LRMDA: variants seen among roughly 807,000 people sequenced by gnomAD.
LRMDA encodes leucine-rich melanocyte differentiation-associated protein.
Under a neutral mutation model 29.8 loss-of-function variants are expected in LRMDA, and 18 were observed. The observed-to-expected ratio is 0.60, with a 90% CI of 0.42 to 0.90. LRMDA has a LOEUF of 0.90. Ranked by LOEUF, LRMDA falls within the 40% of genes least tolerant of loss-of-function variation. LRMDA has a pLI of 0.00. For synonymous variants in LRMDA, 125 were observed against 109.4 expected, an observed-to-expected ratio of 1.14 and a Z score of -0.89; for missense variants, 273 against 273.9, an observed-to-expected ratio of 1.00 and a Z score of 0.02.
At chr10:76,553,489 C>A (rs1843519628) in intron 6 of LRMDA, among the ~76,000 whole-genome samples, 1 of 152,152 alleles carries the variant, frequency 6.6e-6, no homozygotes, top group African/African-American at 2.4e-5. Context: ...CAGTTGATGG[C>A]AGTTGCCATG....
intron 2 of LRMDA, among the ~76,000 whole-genome samples, chr10:75,761,049 T>C (rs978835826): frequency 1.3e-5 from 2 of 152,238 alleles, no homozygotes; most frequent in Non-Finnish European, 2.9e-5. Context: ...CAAAGATACT[T>C]AAGAATTAAG....
At chr10:75,853,057 T>A (rs967393577) in intron 2 of LRMDA, among the ~76,000 whole-genome samples, 4 of 152,060 alleles carry the variant, frequency 2.6e-5, no homozygotes, top group Non-Finnish European at 5.9e-5. Context: ...TTAGTCACTG[T>A]CATGAAAATA....
intron 5 of LRMDA, among the ~76,000 whole-genome samples, chr10:76,087,633 G>A (rs1413764309): frequency 6.6e-6 from 1 of 152,098 alleles, no homozygotes; most frequent in African/African-American, 2.4e-5. Context: ...GATGCCAGAG[G>A]TACTGTGTTC....
intron 2 of LRMDA, among the ~76,000 whole-genome samples, chr10:75,988,292 C>T (rs1847296965): frequency 6.6e-6 from 1 of 152,150 alleles, no homozygotes; most frequent in Admixed American, 6.5e-5. Flanking sequence ...AGTCAGTTTT[C>T]TCTTTCCTAT....
rs1841159389 is a variant in LRMDA, at chr10:75,619,924, G to C, written c.131+181430G>C. ...TCAAGGGCCTAGCACAGTGCATTCA[G>C]TCATTTTATGATGCTCAATTTCTTA... On this transcript the variant is annotated intron_variant, in intron 2 of 6. Coordinates refer to ENST00000611255, the MANE Select transcript of LRMDA (RefSeq NM_001305581.2). Among the ~76,000 whole-genome samples the C allele has an allele frequency of 1.3e-5, 2 of 152,212 alleles. 1 individual carries two copies. Among genetic ancestry groups the C allele is most frequent in the South Asian group, 4.1e-4 (2 of 4,830 alleles).
At chr10:75,817,412 C>T (rs185381631) in intron 2 of LRMDA, among the ~76,000 whole-genome samples, 2 of 152,324 alleles carry the variant, frequency 1.3e-5, no homozygotes, top group African/African-American at 4.8e-5. Flanking sequence ...TCTCCTCTTC[C>T]AGCAGATTAG....
At chr10:75,873,047 T>C (rs1845140022) in intron 2 of LRMDA, among the ~76,000 whole-genome samples, 1 of 152,258 alleles carries the variant, frequency 6.6e-6, no homozygotes, top group South Asian at 2.1e-4. Context: ...GCACATCACC[T>C]TAACTGGTGC....
At chr10:75,864,468 T>C (rs1844987082) in intron 2 of LRMDA, among the ~76,000 whole-genome samples, 1 of 152,162 alleles carries the variant, frequency 6.6e-6, no homozygotes, top group Non-Finnish European at 1.5e-5. Flanking sequence ...CAAGGAGTTT[T>C]ACCCTTTCAT....
intron 2 of LRMDA, among the ~76,000 whole-genome samples, chr10:75,664,485 G>A (rs191171271): frequency 2.0e-4 from 31 of 152,300 alleles, no homozygotes; most frequent in Admixed American, 2.0e-3. Flanking sequence ...AGAGCACACA[G>A]TGATCCTGAG....
chr10:76,258,570 C>T (rs981042226), intron 5 of LRMDA, among the ~76,000 whole-genome samples: 1 of 152,040 alleles, frequency 6.6e-6, no homozygotes, highest in Non-Finnish European at 1.5e-5. Context: ...TCTTATCTGG[C>T]TGTAATTTTT....
At chr10:75,618,044 G>A (rs946715197) in intron 2 of LRMDA, among the ~76,000 whole-genome samples, 1 of 152,148 alleles carries the variant, frequency 6.6e-6, no homozygotes, top group South Asian at 2.1e-4. Context: ...TCAACACACT[G>A]TACTCATCTA....
intron 2 of LRMDA, among the ~76,000 whole-genome samples, chr10:75,847,091 C>A (rs967994576): frequency 2.0e-5 from 3 of 152,108 alleles, no homozygotes; most frequent in African/African-American, 7.2e-5. Flanking sequence ...CCTCATACTT[C>A]CTAGTTTCGA....
intron 2 of LRMDA, among the ~76,000 whole-genome samples, chr10:75,628,859 T>C (rs1841284601): frequency 6.6e-6 from 1 of 152,222 alleles, no homozygotes; most frequent in Admixed American, 6.5e-5. Flanking sequence ...AGGTGCAGGC[T>C]GGGGCACTTG....
intron 2 of LRMDA, among the ~76,000 whole-genome samples, chr10:75,740,656 T>A (rs1010414641): frequency 1.3e-5 from 2 of 152,210 alleles, no homozygotes; most frequent in African/African-American, 4.8e-5. Context: ...TGCCTGGCTG[T>A]GTATTCTTCA....
At chr10:75,775,065 C>G (rs1843293460) in intron 2 of LRMDA, among the ~76,000 whole-genome samples, 1 of 152,210 alleles carries the variant, frequency 6.6e-6, no homozygotes, top group Admixed American at 6.5e-5. Flanking sequence ...TTAACTTTTC[C>G]TTCACAGAAG....
At chr10:76,281,807 C>G in intron 5 of LRMDA, among the ~76,000 whole-genome samples, 1 of 152,142 alleles carries the variant, frequency 6.6e-6, no homozygotes, top group East Asian at 1.9e-4. Flanking sequence ...AGAAAGCATC[C>G]TGATTTTTTG....
intron 5 of LRMDA, among the ~76,000 whole-genome samples, chr10:76,094,265 A>C (rs1849279671): frequency 6.6e-6 from 1 of 152,244 alleles, no homozygotes; most frequent in Non-Finnish European, 1.5e-5. Flanking sequence ...TGTACTGTAG[A>C]TAAGTTAGAA....
intron 2 of LRMDA, among the ~76,000 whole-genome samples, chr10:75,805,203 G>A (rs1435405327): frequency 2.0e-5 from 3 of 152,186 alleles, no homozygotes; most frequent in Non-Finnish European, 2.9e-5. Context: ...AGTGAACGGG[G>A]TTCCTTTTAG....
At chr10:76,305,822 A>G (rs947614407) in intron 5 of LRMDA, among the ~76,000 whole-genome samples, 1 of 152,212 alleles carries the variant, frequency 6.6e-6, no homozygotes, top group Non-Finnish European at 1.5e-5. Flanking sequence ...TATTGATAGT[A>G]TAAAGCAAAT....
Sources: allele counts gnomAD v4.1 joint callset (sites outside exome capture counted in the v4.1 genomes callset), GRCh38; gene constraint gnomAD v4.1.1; transcripts MANE v1.5; gene names NCBI Gene and HGNC (gene_info 2026-07-23, HGNC 2026-07-21).